Variants in FBXW11 observed in about 807,000 individuals in gnomAD.
FBXW11 encodes the protein F-box/WD repeat-containing protein 11.
FBXW11 carries 19 observed loss-of-function variants against 77.6 expected under a neutral mutation model. The observed-to-expected ratio is 0.24, with a 90% CI of 0.17 to 0.36. The LOEUF (loss-of-function observed/expected upper bound fraction) is 0.36, where lower values mean the gene tolerates loss of function less well. Ranked by LOEUF, FBXW11 falls within the 10% of genes least tolerant of loss-of-function variation. The pLI is 1.00. For synonymous variants in FBXW11, 235 were observed against 249.4 expected (o/e 0.94, Z 0.54); for missense variants, 334 against 704.2 (o/e 0.47, Z 5.95).
intron 9 of FBXW11, among the ~76,000 whole-genome samples, chr5:171,875,922 T>C (rs1368761057): frequency 1.3e-5 from 2 of 152,236 alleles, no homozygotes; most frequent in African/African-American, 4.8e-5. Context: ...CTTTACTCTC[T>C]GAGCCAGATG....
chr5:171,959,847 CAAAAA>C (rs756379284), intron 1 of FBXW11, among the ~76,000 whole-genome samples: 7 of 138,294 alleles, frequency 5.1e-5, no homozygotes, highest in Middle Eastern at 3.7e-3. Flanking sequence ...GAGACTGCCT[CAAAAA>C]AAAAAAAAAG....
intron 1 of FBXW11, among the ~76,000 whole-genome samples, chr5:171,998,010 GA>G (rs1186964406): frequency 6.6e-6 from 1 of 152,126 alleles, no homozygotes; most frequent in Non-Finnish European, 1.5e-5. Context: ...AAGATGAGCA[GA>G]AAGAAGTAAC....
chr5:171,984,890 C>T (rs978907669), intron 1 of FBXW11, among the ~76,000 whole-genome samples: 1 of 152,124 alleles, frequency 6.6e-6, no homozygotes, highest in Non-Finnish European at 1.5e-5. Context: ...CTAAGCTTTA[C>T]GGTGACGACA....
intron 1 of FBXW11, among the ~76,000 whole-genome samples, chr5:171,972,150 T>C (rs111975836): frequency 0.064 from 9,576 of 150,422 alleles, 802 homozygotes; most frequent in African/African-American, 0.2. Flanking sequence ...GAAAATCACA[T>C]GAGCCTGGGA....
At position 171,876,822 on chromosome 5, in the gene FBXW11, C is replaced by A. The variant is rs1468885205; in HGVS notation, c.972-288G>T. Among the ~76,000 whole-genome samples the A allele has an allele frequency of 6.6e-6, 1 of 152,140 alleles. No individual in the cohort carries two copies. Among genetic ancestry groups the A allele is most frequent in the East Asian group, 1.9e-4 (1 of 5,186 alleles). On this transcript the variant is annotated intron_variant, in intron 8 of 13. Transcript: ENST00000517395. This position sits in a 1 kb window ranked among gnomAD's most constrained non-coding sequence, Gnocchi z 4.2. ...TGAAAAGAGCCTCCTAGCACCTCCT[C>A]CCTCTCTCTTGCTTCTCTCTCACAT...
At chr5:171,873,447 C>A (rs1395379140) in intron 9 of FBXW11, among the ~76,000 whole-genome samples, 2 of 152,146 alleles carry the variant, frequency 1.3e-5, no homozygotes, top group East Asian at 3.9e-4. Flanking sequence ...GAGTTCGAGA[C>A]CAGCCTGGGC....
chr5:171,995,491 C>T (rs1018993829), intron 1 of FBXW11, among the ~76,000 whole-genome samples: 2 of 152,122 alleles, frequency 1.3e-5, no homozygotes, highest in African/African-American at 4.8e-5. Flanking sequence ...TGATGGCTCA[C>T]GCCTGTAATC....
chr5:171,965,233 T>C (rs1411284691), intron 1 of FBXW11, among the ~76,000 whole-genome samples: 1 of 152,178 alleles, frequency 6.6e-6, no homozygotes, highest in African/African-American at 2.4e-5. Flanking sequence ...TAAGGTAAGA[T>C]ATTAGAACCC....
At chr5:171,963,526 A>G (rs934823802) in intron 1 of FBXW11, among the ~76,000 whole-genome samples, 6 of 152,240 alleles carry the variant, frequency 3.9e-5, no homozygotes, top group Non-Finnish European at 7.3e-5. Context: ...TCTGTGCTAC[A>G]GCCCATCAGT....
chr5:172,006,247 G>A (rs1246367601), intron 1 of FBXW11, among the ~76,000 whole-genome samples: 1 of 152,216 alleles, frequency 6.6e-6, no homozygotes, highest in Non-Finnish European at 1.5e-5. Flanking sequence ...GAAGCGAGGG[G>A]CATGGAGGGG....
intron 6 of FBXW11, among the ~76,000 whole-genome samples, chr5:171,897,602 AC>A (rs781140809): frequency 2.0e-5 from 3 of 152,202 alleles, no homozygotes. Context: ...ATTCAATCAA[AC>A]TATCTATGTT....
At chr5:171,905,030 C>T (rs546629849) in intron 4 of FBXW11, among the ~76,000 whole-genome samples, 1 of 152,300 alleles carries the variant, frequency 6.6e-6, no homozygotes, top group East Asian at 1.9e-4. Context: ...CTTACTAATA[C>T]TTATTTCTTC....
intron 1 of FBXW11, among the ~76,000 whole-genome samples, chr5:171,984,520 G>A (rs190510307): frequency 1.0e-3 from 156 of 152,146 alleles, no homozygotes; most frequent in African/African-American, 3.6e-3. Flanking sequence ...TAATGGCACC[G>A]GTAATGGAAC....
chr5:171,913,844 C>CGT (rs1761055903), intron 3 of FBXW11, among the ~76,000 whole-genome samples: 1 of 150,728 alleles, frequency 6.6e-6, no homozygotes, highest in African/African-American at 2.4e-5. Flanking sequence ...CACACACACA[C>CGT]ACACACACAC....
intron 1 of FBXW11, among the ~76,000 whole-genome samples, chr5:171,998,243 T>G (rs1766178297): frequency 6.6e-6 from 1 of 151,984 alleles, no homozygotes; most frequent in Non-Finnish European, 1.5e-5. Context: ...TGGGCCATCC[T>G]GAAAGGGTAA....
At chr5:171,982,219 A>T (rs942234195) in intron 1 of FBXW11, among the ~76,000 whole-genome samples, 4 of 152,116 alleles carry the variant, frequency 2.6e-5, no homozygotes, top group Admixed American at 6.6e-5. Context: ...AGATACTACC[A>T]CGCACCCATT....
rs1047096913 is a variant in FBXW11 at position 171,909,949 on chromosome 5, A to T, written c.436+623T>A. Among the ~76,000 whole-genome samples, 10 of 152,266 alleles carry T rather than the reference A, an allele frequency of 6.6e-5. No homozygotes were observed. In the South Asian group the frequency reaches 8.3e-4, roughly 13 times the overall value. ...AAGGGAAAAGAGTACCAGTTTTTTT[A>T]AAATTACATACAAAGGCAAAGTGCA... On this transcript the variant is annotated intron_variant, in intron 4 of 13. Coordinates refer to ENST00000517395, the MANE Select transcript of FBXW11 (RefSeq NM_001378974.1).
intron 2 of FBXW11, among the ~76,000 whole-genome samples, chr5:171,947,359 A>G (rs1443238333): frequency 3.9e-5 from 6 of 152,188 alleles, no homozygotes; most frequent in African/African-American, 1.4e-4. Flanking sequence ...TACATTGCTG[A>G]TGATATTAAA....
At chr5:171,961,358 A>G (rs1763897887) in intron 1 of FBXW11, among the ~76,000 whole-genome samples, 1 of 152,254 alleles carries the variant, frequency 6.6e-6, no homozygotes, top group Non-Finnish European at 1.5e-5. Flanking sequence ...GTGGTTAAAA[A>G]GTATTACAAC....
Sources: allele counts gnomAD v4.1 joint callset (sites outside exome capture counted in the v4.1 genomes callset), GRCh38; gene constraint gnomAD v4.1.1; non-coding constraint Gnocchi (gnomAD v3.1); transcripts MANE v1.5; gene names NCBI Gene and HGNC (gene_info 2026-07-23, HGNC 2026-07-21).